The following YRDC variants were observed in gnomAD, a reference collection of about 807,000 sequenced individuals.
YRDC encodes yrdC N6-threonylcarbamoyltransferase domain containing.
YRDC carries 17 observed loss-of-function variants against 21.5 expected under a neutral mutation model. The observed-to-expected ratio is 0.79, with a 90% CI of 0.54 to 1.19. The LOEUF is 1.19. Ranked by LOEUF, YRDC falls within the 50% of genes most tolerant of loss-of-function variation. The pLI, the probability that YRDC is intolerant of heterozygous loss-of-function variation, is 0.00. For missense variants in YRDC, 380 were observed against 397.1 expected (o/e 0.96, Z 0.37); for synonymous variants, 193 against 176.7 (o/e 1.09, Z -0.73).
Position 37,803,993 on chromosome 1 carries a change from G to A in YRDC, c.772C>T (p.Leu258=), listed in dbSNP as rs191193935. The A allele has an allele frequency of 1.2e-4, 187 of 1,614,162 alleles. 2 individuals are homozygous for A. In the East Asian group the frequency reaches 4.1e-3, roughly 36 times the overall value. Residue 258 remains leucine (L), a synonymous_variant, in exon 5 of 5, where the codon CTG becomes TTG. Transcript: ENST00000373044. ...TGGAGGATGGCTGTAGTACTTTCCA[G>A]GGCACTGAGGAGGAAACAGGACAGT... is the stretch of plus-strand genomic sequence containing the variant. ...KFGIIRPGCA[L]ESTTAILQQK... is the part of the protein sequence containing the mutation.
At chr1:37,804,517 A>G (rs1646722675) in intron 3 of YRDC, 73 bp from the exon 4 acceptor site, 3 of 1,528,598 alleles carry the variant, frequency 2.0e-6, no homozygotes, top group Non-Finnish European at 2.7e-6. Flanking sequence ...GCACGCAGTC[A>G]TCAAAGGCCA....
chr1:37,804,067 C>A, intron 4 of YRDC, 70 bp from the exon 5 acceptor site: 2 of 1,580,048 alleles, frequency 1.3e-6, no homozygotes, highest in Non-Finnish European at 1.7e-6. Context: ...GGCTGGTGAG[C>A]AGGGACATCG....
rs1646752498 is a variant in YRDC, at chr1:37,807,930, G to A, written c.251C>T (p.Ala84Val). Reference protein sequence around the residue: ...VAELRAGAVVAVPTDTLYGLA... With the variant: ...VAELRAGAVVVVPTDTLYGLA... ...GCCGTACAGCGTATCGGTGGGGACG[G>A]CCACCACGGCGCCGGCGCGCAGCTC... The change falls in exon 1 of 5, where the codon GCC (alanine) becomes GTC (valine). Residue 84 changes from alanine (A) to valine (V), a missense_variant. Around this residue, in one of 3 missense-constraint regions of YRDC, gnomAD observed 51 missense variants for 95.9 expected, o/e 0.53. Coordinates refer to ENST00000373044, the MANE Select transcript of YRDC (RefSeq NM_024640.4). The A allele has an allele frequency of 3.2e-6, 4 of 1,254,638 alleles. No homozygotes were observed. Among genetic ancestry groups the A allele is most frequent in the South Asian group, 3.0e-5 (1 of 33,484 alleles). The allele number at this position is 1,254,638 out of a possible 1,614,324, so 77.7% of individuals were successfully genotyped here.
chr1:37,807,675 T>G lies in YRDC; in HGVS notation c.389+117A>C, dbSNP rs924377918. The G allele has an allele frequency of 4.8e-5, 64 of 1,336,372 alleles. 1 individual carries two copies. In the South Asian group the frequency reaches 1.0e-3, roughly 21 times the overall value. The allele number at this position is 1,336,372 out of a possible 1,614,324, so 82.8% of individuals were successfully genotyped here. A position where few individuals can be genotyped will look rare whatever the true frequency, so the allele number is the denominator to read the frequency against. Reference sequence around the variant, plus strand: ...TCGGTACATATTTCCAGTTCCGGATTCCTTGGTGAGCCTGGACAAGCCCCT... The same window carrying G: ...TCGGTACATATTTCCAGTTCCGGATGCCTTGGTGAGCCTGGACAAGCCCCT... On this transcript the variant is annotated intron_variant, in intron 1 of 4. Transcript: ENST00000373044.
At chr1:37,807,520 GTT>G (rs1393907150) in intron 1 of YRDC, 2 of 614,036 alleles carry the variant, frequency 3.3e-6, no homozygotes, top group African/African-American at 3.7e-5. Context: ...AAGCTACTGT[GTT>G]TGTTTGCTTT....
rs1646712533 is a variant in YRDC at position 37,803,048 on chromosome 1, A to G, written c.*877T>C. ...CACTTGGTACACATATAAATAGACAAAAGGCTGCGGAGAACACTGGATTTA... is the reference window on the plus strand; with the variant it reads ...CACTTGGTACACATATAAATAGACAGAAGGCTGCGGAGAACACTGGATTTA... On this transcript the variant is annotated 3_prime_UTR_variant, in exon 5 of 5. Coordinates refer to ENST00000373044, the MANE Select transcript of YRDC (RefSeq NM_024640.4). The G allele has an allele frequency of 1.3e-5, 2 of 152,248 alleles. No homozygotes were observed. The highest frequency in any genetic ancestry group is 4.1e-4 in the South Asian group (2 of 4,834). 9.4% of individuals were successfully genotyped at this position (152,248 alleles called of 1,614,324 possible). A position where few individuals can be genotyped will look rare whatever the true frequency, so the allele number is the denominator to read the frequency against.
chr1:37,806,809 AGTAT>A, intron 3 of YRDC, 44 bp downstream of exon 3: 1 of 1,612,668 alleles, frequency 6.2e-7, no homozygotes, highest in Non-Finnish European at 8.5e-7. Flanking sequence ...CACAGAAAAC[AGTAT>A]GTGCGCTGGT....
chr1:37,804,367 A>G lies in YRDC; in HGVS notation c.702T>C (p.Cys234=), dbSNP rs140454896. 1 of 1,614,206 alleles carries G rather than the reference A, an allele frequency of 6.2e-7. No individual in the cohort carries two copies. The highest frequency in any genetic ancestry group is 1.7e-5 in the Admixed American group (1 of 60,018). Residue 234 remains cysteine (C), a synonymous_variant, in exon 4 of 5, where the codon TGT becomes TGC. Transcript: ENST00000373044. ...GQIGDGQSPE[C]RLGSTVVDLS... ...AATCAACCACAGTTGAGCCAAGGCG[A>G]CACTCGGGGCTCTGGCCATCCCCAA...
rs1376560393 is a variant in YRDC, at chr1:37,807,831, G to A, written c.350C>T (p.Pro117Leu). The change falls in exon 1 of 5, where the codon CCT becomes CTT. Residue 117 changes from proline to leucine, a missense_variant. Pro to Leu is a moderately conservative substitution (Grantham distance 98, BLOSUM62 -3). This residue lies in a region of YRDC where 238 missense variants were observed against 236.5 expected (regional missense o/e 1.01). Coordinates refer to ENST00000373044, the MANE Select transcript of YRDC (RefSeq NM_024640.4). The stretch of plus-strand genomic sequence containing the variant: ...CACGCGGCCGAGGCATACGGCCAGA[G>A]GCTTGGCCTCGCTGCGACCCTTGAG... ...YRLKGRSEAK[P>L]LAVCLGRVAD... The A allele has an allele frequency of 2.6e-6, 4 of 1,510,090 alleles. No homozygotes were observed. Among genetic ancestry groups the A allele is most frequent in the African/African-American group, 1.4e-5 (1 of 70,634 alleles). 93.5% of individuals were successfully genotyped at this position (1,510,090 alleles called of 1,614,324 possible). A position where few individuals can be genotyped will look rare whatever the true frequency, so the allele number is the denominator to read the frequency against.
chr1:37,803,590 G>T lies in YRDC; in HGVS notation c.*335C>A. On this transcript the variant is annotated 3_prime_UTR_variant, in exon 5 of 5. Coordinates refer to ENST00000373044, the MANE Select transcript of YRDC (RefSeq NM_024640.4). ...CCCACCAGAGAGGAGGCTCTCACTA[G>T]ATTCTAAATCTGTTATTTAATTACT... is the stretch of plus-strand genomic sequence containing the variant. 1 of 229,000 alleles carries T rather than the reference G, an allele frequency of 4.4e-6. No individual in the cohort carries two copies. The highest frequency in any genetic ancestry group is 8.6e-6 in the Non-Finnish European group (1 of 115,714). 14.2% of individuals were successfully genotyped at this position (229,000 alleles called of 1,614,324 possible).
chr1:37,807,679 T>G (rs1333796006), intron 1 of YRDC, 113 bp downstream of exon 1: 2 of 1,338,400 alleles, frequency 1.5e-6, no homozygotes, highest in South Asian at 1.8e-5. Flanking sequence ...CCGGATTCCT[T>G]GGTGAGCCTG....
intron 3 of YRDC, 148 bp downstream of exon 3, chr1:37,806,709 C>T (rs1646739245): frequency 5.5e-6 from 7 of 1,273,316 alleles, no homozygotes; most frequent in Non-Finnish European, 7.6e-6. Flanking sequence ...TTGCCCCCCA[C>T]CACCTCCCTG....
rs1025254401 is a variant in YRDC at position 37,807,811 on chromosome 1, G to C, written c.370C>G (p.Arg124Gly). 1 of 1,511,106 alleles carries C rather than the reference G, an allele frequency of 6.6e-7. No homozygotes were observed. The highest frequency in any genetic ancestry group is 1.4e-5 in the African/African-American group (1 of 70,964). The allele number at this position is 1,511,106 out of a possible 1,614,324, so 93.6% of individuals were successfully genotyped here. A position where few individuals can be genotyped will look rare whatever the true frequency, so the allele number is the denominator to read the frequency against. Reference protein sequence around the residue: ...EAKPLAVCLGRVADVYRYCRV... With the variant: ...EAKPLAVCLGGVADVYRYCRV... ...CCTTACCTGTAGACGTCGGCCACGC[G>C]GCCGAGGCATACGGCCAGAGGCTTG... Residue 124 changes from arginine to glycine, a missense_variant, in exon 1 of 5, where the codon CGC (arginine) becomes GGC (glycine). Arg to Gly is a moderately radical substitution (Grantham distance 125, BLOSUM62 -2). Around this residue, in one of 3 missense-constraint regions of YRDC, gnomAD observed 238 missense variants for 236.5 expected, o/e 1.01. Coordinates refer to ENST00000373044, the MANE Select transcript of YRDC (RefSeq NM_024640.4).
At chr1:37,804,713 C>G (rs1445493408) in intron 3 of YRDC, among the ~76,000 whole-genome samples, 2 of 152,148 alleles carry the variant, frequency 1.3e-5, no homozygotes, top group Admixed American at 1.3e-4. Context: ...TCACACATTG[C>G]TTCAGTTAGG....
Position 37,803,586 on chromosome 1 carries a change from A to G in YRDC, c.*339T>C, listed in dbSNP as rs559251123. 8.9e-6 allele frequency: 2 copies of G among 224,232 alleles called. No individual in the cohort carries two copies. Among genetic ancestry groups the G allele is most frequent in the South Asian group, 8.1e-5 (1 of 12,334 alleles). 13.9% of individuals were successfully genotyped at this position (224,232 alleles called of 1,614,324 possible). A position where few individuals can be genotyped will look rare whatever the true frequency, so the allele number is the denominator to read the frequency against. ...ACCACCCACCAGAGAGGAGGCTCTC[A>G]CTAGATTCTAAATCTGTTATTTAAT... On this transcript the variant is annotated 3_prime_UTR_variant, in exon 5 of 5. Coordinates refer to ENST00000373044, the MANE Select transcript of YRDC (RefSeq NM_024640.4).
Position 37,803,210 on chromosome 1 carries a change from G to C in YRDC, c.*715C>G, listed in dbSNP as rs1646713979. 6.6e-6 allele frequency: 1 copy of C among 152,148 alleles called. No homozygotes were observed. Among genetic ancestry groups the C allele is most frequent in the Non-Finnish European group, 1.5e-5 (1 of 68,034 alleles). The allele number at this position is 152,148 out of a possible 1,614,324, so 9.4% of individuals were successfully genotyped here. A position where few individuals can be genotyped will look rare whatever the true frequency, so the allele number is the denominator to read the frequency against. ...GGACTGAACCCCTGCCAACTAAGCA[G>C]ACATCCCACTATTACACCAAAAAGA... On this transcript the variant is annotated 3_prime_UTR_variant, in exon 5 of 5. Transcript: ENST00000373044.
At position 37,807,928 on chromosome 1, in the gene YRDC, C is replaced by T. The variant is rs1487939313; in HGVS notation, c.253G>A (p.Val85Ile). 12 of 1,254,888 alleles carry T rather than the reference C, an allele frequency of 9.6e-6. No homozygotes were observed. The highest frequency in any genetic ancestry group is 3.2e-5 in the East Asian group (1 of 31,634). 77.7% of individuals were successfully genotyped at this position (1,254,888 alleles called of 1,614,324 possible). Residue 85 changes from valine to isoleucine, a missense_variant, in exon 1 of 5, where the codon GTC (valine) becomes ATC (isoleucine). Transcript: ENST00000373044. ...AELRAGAVVA[V>I]PTDTLYGLAC... ...AGGCCGTACAGCGTATCGGTGGGGA[C>T]GGCCACCACGGCGCCGGCGCGCAGC...
At position 37,807,215 on chromosome 1, in the gene YRDC, T is replaced by G. The variant is rs1388198288; in HGVS notation, c.390A>C (p.Arg130Ser). 3.1e-6 allele frequency: 5 copies of G among 1,613,456 alleles called. No homozygotes were observed. Among genetic ancestry groups the G allele is most frequent in the Non-Finnish European group, 4.2e-6 (5 of 1,179,442 alleles). Reference sequence around the variant, plus strand: ...CCTCAGGTACTCTCACACGGCAGTATCTGGGAAACACAGAAGAATAAATCC... The same window carrying G: ...CCTCAGGTACTCTCACACGGCAGTAGCTGGGAAACACAGAAGAATAAATCC... The part of the protein sequence containing the change: ...VCLGRVADVY[R>S]YCRVRVPEGL... Residue 130 changes from arginine (R) to serine (S), a missense_variant and splice_region_variant, in exon 2 of 5, where the codon AGA becomes AGC. Arg to Ser is a moderately radical substitution (Grantham distance 110). Around this residue, in one of 3 missense-constraint regions of YRDC, gnomAD observed 238 missense variants for 236.5 expected, o/e 1.01. Transcript: ENST00000373044.
Position 37,807,205 on chromosome 1 carries a change from C to G in YRDC, c.400G>C (p.Val134Leu). ...TTCAGGAGCCCCTCAGGTACTCTCA[C>G]ACGGCAGTATCTGGGAAACACAGAA... ...RVADVYRYCR[V>L]RVPEGLLKDL... is the part of the protein sequence containing the mutation. Residue 134 changes from valine to leucine, a missense_variant, in exon 2 of 5, where the codon GTG becomes CTG. Around this residue, in one of 3 missense-constraint regions of YRDC, gnomAD observed 238 missense variants for 236.5 expected, o/e 1.01. Coordinates refer to ENST00000373044, the MANE Select transcript of YRDC (RefSeq NM_024640.4). 4 of 1,614,008 alleles carry G rather than the reference C, an allele frequency of 2.5e-6. No homozygotes were observed. Among genetic ancestry groups the G allele is most frequent in the Non-Finnish European group, 3.4e-6 (4 of 1,179,920 alleles).
Sources: gnomAD v4.1 joint callset for allele counts (sites outside exome capture counted in the v4.1 genomes callset) on GRCh38, gnomAD v4.1.1 for gene constraint, gnomAD v4.1.1 regional missense constraint, MANE v1.5 for transcripts, NCBI Gene and HGNC (gene_info 2026-07-23, HGNC 2026-07-21) for gene names.